BRINP3: variants seen among roughly 807,000 people sequenced by gnomAD.
BRINP3 encodes BMP/retinoic acid inducible neural specific 3, also known as BMP/retinoic acid-inducible neural-specific protein 3.
In BRINP3, 19 loss-of-function variants were observed where a neutral mutation model predicts 71.0. The observed-to-expected ratio is 0.27, with a 90% confidence interval of 0.19 to 0.39. The LOEUF is 0.39. Among genes scored for constraint, BRINP3 ranks in the 10% least tolerant of loss-of-function variants. BRINP3 has a pLI of 1.00. For missense variants in BRINP3, 959 were observed against 940.8 expected (o/e 1.02, Z -0.25); for synonymous variants, 380 against 337.7 (o/e 1.13, Z -1.37).
At chr1:190,358,783 T>A (rs1057382291) in intron 2 of BRINP3, among the ~76,000 whole-genome samples, 1 of 152,060 alleles carries the variant, frequency 6.6e-6, no homozygotes, top group African/African-American at 2.4e-5. Context: ...AATGATAGAC[T>A]GGATTAAGAA....
chr1:190,260,177 A>C (rs1052656865), intron 4 of BRINP3, among the ~76,000 whole-genome samples: 3 of 152,096 alleles, frequency 2.0e-5, no homozygotes, highest in African/African-American at 7.2e-5. Context: ...TAGGTCAATG[A>C]GCACAAAGTT....
chr1:190,456,514 T>C (rs1304561427), intron 1 of BRINP3, among the ~76,000 whole-genome samples: 5 of 152,100 alleles, frequency 3.3e-5, no homozygotes. Flanking sequence ...TCTATATAAA[T>C]GTACCATTGT....
intron 2 of BRINP3, among the ~76,000 whole-genome samples, chr1:190,442,731 C>T (rs1674912289): frequency 6.7e-6 from 1 of 148,884 alleles, no homozygotes; most frequent in Admixed American, 6.7e-5. Context: ...TTCTTCATGC[C>T]TGTGCGTGTG....
At chr1:190,459,926 C>T (rs1387013292) in intron 1 of BRINP3, among the ~76,000 whole-genome samples, 1 of 151,790 alleles carries the variant, frequency 6.6e-6, no homozygotes, top group African/African-American at 2.4e-5. Context: ...CATATTATCA[C>T]TCTCTGTCTC....
At chr1:190,126,164 T>TA (rs1419368326) in intron 7 of BRINP3, among the ~76,000 whole-genome samples, 2 of 152,004 alleles carry the variant, frequency 1.3e-5, no homozygotes, top group East Asian at 3.8e-4. Flanking sequence ...ACAATTGGAA[T>TA]AAAAAATGCA....
At chr1:190,356,789 C>T (rs1447696119) in intron 2 of BRINP3, among the ~76,000 whole-genome samples, 1 of 152,060 alleles carries the variant, frequency 6.6e-6, no homozygotes. Flanking sequence ...CTGTGGGGAA[C>T]AATTACCCTG....
In BRINP3 at chr1:190,365,317, C is replaced by CA. The variant is rs1174939045; in HGVS notation, c.237-83568dup. Among the ~76,000 whole-genome samples the CA allele has an allele frequency of 5.9e-5, 9 of 151,970 alleles. No homozygotes were observed. The South Asian group carries it at 1.5e-3, about 25-fold the overall frequency. Reference sequence around the variant, plus strand: ...GTGTTCAGTCATCCAGTCATCCATCCATTCCGTTGTATGCACATTCATATA... The same window carrying CA: ...GTGTTCAGTCATCCAGTCATCCATCCAATTCCGTTGTATGCACATTCATATA... On this transcript the variant is annotated intron_variant, in intron 2 of 7. Transcript: ENST00000367462.
intron 2 of BRINP3, among the ~76,000 whole-genome samples, chr1:190,422,230 C>T (rs182086173): frequency 4.0e-5 from 6 of 151,802 alleles, no homozygotes; most frequent in African/African-American, 7.2e-5. Context: ...AGTGTGCCTG[C>T]GTCCATTAAA....
At chr1:190,387,131 T>A (rs1374052883) in intron 2 of BRINP3, among the ~76,000 whole-genome samples, 3 of 151,936 alleles carry the variant, frequency 2.0e-5, no homozygotes, top group Non-Finnish European at 4.4e-5. Context: ...AGACATCTAG[T>A]CAGAACCATC....
chr1:190,246,509 A>G (rs191609338), intron 4 of BRINP3, among the ~76,000 whole-genome samples: 1 of 145,192 alleles, frequency 6.9e-6, no homozygotes. Context: ...ACCAAGTTAG[A>G]AAAAAAAAAT....
intron 1 of BRINP3, chr1:190,474,842 A>G (rs1387970478): frequency 6.6e-6 from 1 of 152,248 alleles, no homozygotes; most frequent in Admixed American, 6.5e-5. Flanking sequence ...TGGAACCAGC[A>G]GTAACCAGCG....
chr1:190,153,332 A>G (rs1439828016), intron 7 of BRINP3, among the ~76,000 whole-genome samples: 1 of 152,180 alleles, frequency 6.6e-6, no homozygotes, highest in African/African-American at 2.4e-5. Flanking sequence ...CAGAAAATTT[A>G]TGAGTGTATT....
chr1:190,144,160 A>G (rs752843566), intron 7 of BRINP3, among the ~76,000 whole-genome samples: 1 of 152,258 alleles, frequency 6.6e-6, no homozygotes, highest in East Asian at 1.9e-4. Context: ...TTCAGTATCA[A>G]TTAATGTCTT....
chr1:190,367,401 G>A (rs972638487), intron 2 of BRINP3, among the ~76,000 whole-genome samples: 1 of 152,164 alleles, frequency 6.6e-6, no homozygotes, highest in Admixed American at 6.5e-5. Flanking sequence ...GGGACCCTGG[G>A]CCTCGCCCAC....
At chr1:190,252,028 T>G (rs573795534) in intron 4 of BRINP3, among the ~76,000 whole-genome samples, 1 of 152,090 alleles carries the variant, frequency 6.6e-6, no homozygotes, top group Non-Finnish European at 1.5e-5. Context: ...TAAAGATTTG[T>G]CAGATACACT....
chr1:190,454,520 T>C (rs1675854656), intron 2 of BRINP3, 135 bp downstream of exon 2: 1 of 655,980 alleles, frequency 1.5e-6, no homozygotes, highest in Non-Finnish European at 2.6e-6. Flanking sequence ...CAAGAAAACA[T>C]TACTATGGTG....
At chr1:190,212,444 T>A (rs1025686374) in intron 6 of BRINP3, among the ~76,000 whole-genome samples, 1 of 152,106 alleles carries the variant, frequency 6.6e-6, no homozygotes, top group Non-Finnish European at 1.5e-5. Flanking sequence ...ATACATCTCA[T>A]TTTCCCGCAA....
At chr1:190,419,116 C>T (rs1673192281) in intron 2 of BRINP3, among the ~76,000 whole-genome samples, 1 of 152,026 alleles carries the variant, frequency 6.6e-6, no homozygotes, top group African/African-American at 2.4e-5. Flanking sequence ...AATTAATATT[C>T]TCTCTTTAGT....
At chr1:190,449,819 AAAC>A (rs1447605077) in intron 2 of BRINP3, among the ~76,000 whole-genome samples, 15 of 152,056 alleles carry the variant, frequency 9.9e-5, no homozygotes, top group African/African-American at 3.4e-4. Flanking sequence ...AGTCCAGGGG[AAAC>A]AACATTAATT....
Sources: gnomAD v4.1 joint callset for allele counts (sites outside exome capture counted in the v4.1 genomes callset) on GRCh38, gnomAD v4.1.1 for gene constraint, MANE v1.5 for transcripts, NCBI Gene and HGNC (gene_info 2026-07-23, HGNC 2026-07-21) for gene names.